Variants in CNTNAP5 observed in about 807,000 individuals in gnomAD.
The protein encoded by CNTNAP5 is contactin-associated protein-like 5.
In CNTNAP5, 72 loss-of-function variants were observed where a neutral mutation model predicts 150.2. That is an observed-to-expected ratio of 0.48 (90% CI 0.40 to 0.58). CNTNAP5 has a LOEUF of 0.58. CNTNAP5 is among the 20% of genes least tolerant of loss of function. The pLI is 0.00. For synonymous variants in CNTNAP5, 672 were observed against 619.8 expected, an observed-to-expected ratio of 1.08 and a Z score of -1.25; for missense variants, 1,636 against 1,626.2, an observed-to-expected ratio of 1.01 and a Z score of -0.10.
At chr2:124,282,455 G>A (rs1477097647) in intron 3 of CNTNAP5, among the ~76,000 whole-genome samples, 1 of 152,170 alleles carries the variant, frequency 6.6e-6, no homozygotes, top group Non-Finnish European at 1.5e-5. Flanking sequence ...ACATGCCAGA[G>A]AGTGTTCACA....
intron 3 of CNTNAP5, among the ~76,000 whole-genome samples, chr2:124,341,004 G>T (rs1048887285): frequency 6.6e-6 from 1 of 151,400 alleles, no homozygotes; most frequent in Non-Finnish European, 1.5e-5. Flanking sequence ...TCAGTCCATT[G>T]CAGTTCCAGG....
intron 7 of CNTNAP5, among the ~76,000 whole-genome samples, chr2:124,475,642 A>C (rs533148019): frequency 6.6e-6 from 1 of 152,138 alleles, no homozygotes; most frequent in Non-Finnish European, 1.5e-5. Flanking sequence ...ATTATATAAT[A>C]TTATTATTTG....
intron 10 of CNTNAP5, among the ~76,000 whole-genome samples, chr2:124,549,950 T>G (rs986012527): frequency 2.0e-5 from 3 of 152,230 alleles, no homozygotes; most frequent in African/African-American, 7.2e-5. Context: ...AGCGGTGCCC[T>G]CTCTGTATCC....
chr2:124,903,394 T>C (rs1558820222), intron 22 of CNTNAP5, among the ~76,000 whole-genome samples: 2 of 152,150 alleles, frequency 1.3e-5, no homozygotes, highest in African/African-American at 4.8e-5. Flanking sequence ...ACATAGTCAC[T>C]ACTGTTGAAG....
intron 10 of CNTNAP5, among the ~76,000 whole-genome samples, chr2:124,553,465 C>T (rs752956321): frequency 2.1e-4 from 31 of 147,978 alleles, no homozygotes; most frequent in Non-Finnish European, 3.9e-4. Flanking sequence ...AATCATGCCA[C>T]TGCACTCCAG....
chr2:124,294,438 G>C (rs1529296), intron 3 of CNTNAP5, among the ~76,000 whole-genome samples: 11,571 of 152,094 alleles, frequency 0.076, 599 homozygotes, highest in Non-Finnish European at 0.12. Context: ...CTTAAAAGAT[G>C]ATATGTGGTC....
intron 19 of CNTNAP5, among the ~76,000 whole-genome samples, chr2:124,799,446 A>G (rs780575878): frequency 4.6e-5 from 7 of 152,222 alleles, no homozygotes; most frequent in Non-Finnish European, 8.8e-5. Context: ...TATAAAAAAC[A>G]CTGTCCTGTG....
chr2:124,546,337 T>A (rs984654327), intron 10 of CNTNAP5, among the ~76,000 whole-genome samples: 1 of 149,430 alleles, frequency 6.7e-6, no homozygotes, highest in Non-Finnish European at 1.5e-5. Flanking sequence ...GTAAGAAAAG[T>A]GTGTTTCTTT....
At chr2:124,236,743 G>T (rs1340925099) in intron 2 of CNTNAP5, among the ~76,000 whole-genome samples, 1 of 152,104 alleles carries the variant, frequency 6.6e-6, no homozygotes, top group African/African-American at 2.4e-5. Context: ...CCTTCTGGAA[G>T]ACAGCAGAAG....
At chr2:124,466,587 A>C (rs141879894) in intron 6 of CNTNAP5, among the ~76,000 whole-genome samples, 1 of 152,220 alleles carries the variant, frequency 6.6e-6, no homozygotes, top group African/African-American at 2.4e-5. Flanking sequence ...AATTGGAATT[A>C]ACTTTATCAA....
chr2:124,083,088 T>A (rs1682595523), intron 1 of CNTNAP5, among the ~76,000 whole-genome samples: 1 of 152,202 alleles, frequency 6.6e-6, no homozygotes, highest in African/African-American at 2.4e-5. Flanking sequence ...CAGTGGCTCA[T>A]GCCTGCAATC....
At chr2:124,117,646 A>G (rs1021761259) in intron 1 of CNTNAP5, among the ~76,000 whole-genome samples, 3 of 152,360 alleles carry the variant, frequency 2.0e-5, no homozygotes, top group Admixed American at 6.5e-5. Context: ...CTTGTTCAGC[A>G]TAAGTGAATT....
intron 1 of CNTNAP5, among the ~76,000 whole-genome samples, chr2:124,038,256 C>T (rs1419801110): frequency 6.6e-6 from 1 of 152,136 alleles, no homozygotes; most frequent in Non-Finnish European, 1.5e-5. Flanking sequence ...TATAGAAAAC[C>T]ACAGTAGTAA....
chr2:124,589,101 C>T (rs950302334), intron 11 of CNTNAP5, among the ~76,000 whole-genome samples: 1 of 152,150 alleles, frequency 6.6e-6, no homozygotes, highest in Admixed American at 6.5e-5. Context: ...AGCATACTCA[C>T]CTGGCTGTGC....
intron 1 of CNTNAP5, among the ~76,000 whole-genome samples, chr2:124,159,099 A>G (rs1228018622): frequency 6.6e-6 from 1 of 152,206 alleles, no homozygotes; most frequent in Admixed American, 6.5e-5. Context: ...TAACAGAACA[A>G]TTGCCTTTAT....
intron 1 of CNTNAP5, among the ~76,000 whole-genome samples, chr2:124,149,025 T>A (rs1471793906): frequency 1.3e-5 from 2 of 152,164 alleles, no homozygotes; most frequent in Non-Finnish European, 2.9e-5. Context: ...TAGTTTTCCT[T>A]GAATGTACTG....
At chr2:124,801,193 TG>T (rs1331054580) in intron 19 of CNTNAP5, among the ~76,000 whole-genome samples, 1 of 152,138 alleles carries the variant, frequency 6.6e-6, no homozygotes, top group Non-Finnish European at 1.5e-5. Flanking sequence ...ATTAACTCTG[TG>T]GGTAATTACT....
chr2:124,187,344 A>C (rs1423687242), intron 1 of CNTNAP5, among the ~76,000 whole-genome samples: 1 of 152,194 alleles, frequency 6.6e-6, no homozygotes, highest in African/African-American at 2.4e-5. Flanking sequence ...TCTCAACTAA[A>C]AGTGGAAGAG....
At chr2:124,712,977 C>T (rs994327643) in intron 13 of CNTNAP5, among the ~76,000 whole-genome samples, 8 of 152,110 alleles carry the variant, frequency 5.3e-5, no homozygotes, top group African/African-American at 1.7e-4. Context: ...ACCTAATCAC[C>T]TCCCAAAGGG....
Sources: gnomAD v4.1 joint callset for allele counts (sites outside exome capture counted in the v4.1 genomes callset) on GRCh38, gnomAD v4.1.1 for gene constraint, MANE v1.5 for transcripts, NCBI Gene and HGNC (gene_info 2026-07-23, HGNC 2026-07-21) for gene names.